Variants in DRC8 observed in about 807,000 individuals in gnomAD.
DRC8 encodes dynein regulatory complex protein 8.
the DRC8 span, among the ~76,000 whole-genome samples, chr1:245,080,928 C>T: frequency 6.6e-6 from 1 of 152,096 alleles, no homozygotes; most frequent in African/African-American, 2.4e-5. Flanking sequence ...TGTACTCCAG[C>T]CTCCTAGCCG....
At chr1:245,056,449 C>T in the DRC8 span, among the ~76,000 whole-genome samples, 7 of 152,284 alleles carry the variant, frequency 4.6e-5, no homozygotes, top group East Asian at 1.2e-3. Context: ...CAGAGAGGAA[C>T]ATGGAGGCTT....
the DRC8 span, among the ~76,000 whole-genome samples, chr1:245,105,263 A>G: frequency 1.3e-5 from 2 of 152,116 alleles, no homozygotes; most frequent in Non-Finnish European, 2.9e-5. Flanking sequence ...AGCCTGATCT[A>G]GGCTGTATGA....
At chr1:245,052,516 G>A in the DRC8 span, among the ~76,000 whole-genome samples, 4 of 152,190 alleles carry the variant, frequency 2.6e-5, no homozygotes, top group East Asian at 1.9e-4. Flanking sequence ...AATAAGCCGT[G>A]GTTGATTCCA....
At chr1:245,053,723 A>G in the DRC8 span, among the ~76,000 whole-genome samples, 3 of 152,184 alleles carry the variant, frequency 2.0e-5, no homozygotes, top group Admixed American at 6.5e-5. Flanking sequence ...GCAAGATGTC[A>G]ATCACGTGGG....
At chr1:245,050,189 T>C in the DRC8 span, among the ~76,000 whole-genome samples, 458 of 152,338 alleles carry the variant, frequency 3.0e-3, 1 homozygote, top group African/African-American at 7.0e-3. Context: ...TTTTCTCCCA[T>C]TGGGAGTGAC....
At chr1:245,110,156 GC>G in the DRC8 span, among the ~76,000 whole-genome samples, 1 of 152,158 alleles carries the variant, frequency 6.6e-6, no homozygotes, top group Non-Finnish European at 1.5e-5. Context: ...GCGGAGGCAG[GC>G]GGATCACTTG....
At chr1:245,119,344 G>GTTTTTT in the DRC8 span, among the ~76,000 whole-genome samples, 2 of 147,780 alleles carry the variant, frequency 1.4e-5, no homozygotes. Context: ...AAATTGGAGA[G>GTTTTTT]TTTTTTTTTT....
the DRC8 span, among the ~76,000 whole-genome samples, chr1:245,072,666 G>A: frequency 1.3e-5 from 2 of 152,134 alleles, no homozygotes; most frequent in African/African-American, 4.8e-5. Flanking sequence ...ATTTGTCCCC[G>A]CCCAAATCTC....
chr1:244,982,888 C>G, the DRC8 span, among the ~76,000 whole-genome samples: 1 of 151,722 alleles, frequency 6.6e-6, no homozygotes, highest in African/African-American at 2.4e-5. Context: ...CATGGTGAAA[C>G]CCTGTCTGTA....
the DRC8 span, among the ~76,000 whole-genome samples, chr1:245,055,139 G>A: frequency 6.6e-6 from 1 of 152,162 alleles, no homozygotes; most frequent in Non-Finnish European, 1.5e-5. Context: ...GAGACATTAT[G>A]TCATCTCTCG....
At chr1:245,065,007 T>C in the DRC8 span, among the ~76,000 whole-genome samples, 17 of 151,976 alleles carry the variant, frequency 1.1e-4, no homozygotes, top group African/African-American at 3.6e-4. Flanking sequence ...TTTTCTTTTT[T>C]CTGTTTTTTG....
chr1:245,059,517 A>G, the DRC8 span: 2 of 1,413,520 alleles, frequency 1.4e-6, no homozygotes, highest in East Asian at 2.3e-5. Flanking sequence ...TACTCCTTGT[A>G]ATTAAAAACA....
At chr1:245,067,551 C>A in the DRC8 span, among the ~76,000 whole-genome samples, 2 of 152,166 alleles carry the variant, frequency 1.3e-5, no homozygotes, top group African/African-American at 4.8e-5. Flanking sequence ...TCATACTACT[C>A]CAGGCATACC....
At chr1:245,043,843 T>A in the DRC8 span, 5 of 152,278 alleles carry the variant, frequency 3.3e-5, no homozygotes, top group African/African-American at 1.2e-4. Context: ...ATGGCTAAAT[T>A]TCAGGAGTTC....
chr1:245,072,867 G>C, the DRC8 span, among the ~76,000 whole-genome samples: 23 of 152,106 alleles, frequency 1.5e-4, no homozygotes, highest in African/African-American at 5.3e-4. Context: ...TCTTGCTCCT[G>C]TTCTGGCCAT....
the DRC8 span, among the ~76,000 whole-genome samples, chr1:245,070,000 G>A: frequency 6.6e-6 from 1 of 151,948 alleles, no homozygotes; most frequent in Non-Finnish European, 1.5e-5. Context: ...AGCTATCGTG[G>A]CACCACCACA....
chr1:245,107,565 G>C, the DRC8 span, among the ~76,000 whole-genome samples: 3 of 152,206 alleles, frequency 2.0e-5, no homozygotes, highest in Admixed American at 6.5e-5. Flanking sequence ...CCGCTGTGGG[G>C]CACTGATGGG....
the DRC8 span, chr1:245,082,231 G>A: frequency 3.5e-5 from 49 of 1,414,914 alleles, no homozygotes; most frequent in African/African-American, 5.7e-4. Context: ...ATTTCAGGAC[G>A]CTTGGCTTTT....
chr1:244,974,810 C>A, the DRC8 span, among the ~76,000 whole-genome samples: 1 of 152,240 alleles, frequency 6.6e-6, no homozygotes, highest in Non-Finnish European at 1.5e-5. Context: ...TTCCCCCGAC[C>A]TCAGCCTCCC....
Sources: gnomAD v4.1 joint callset for allele counts (sites outside exome capture counted in the v4.1 genomes callset) on GRCh38, gnomAD v4.1.1 for gene constraint, MANE v1.5 for transcripts, NCBI Gene and HGNC (gene_info 2026-07-23, HGNC 2026-07-21) for gene names.